PDE4DIP: variants seen among roughly 807,000 people sequenced by gnomAD.
PDE4DIP encodes phosphodiesterase 4D interacting protein.
In PDE4DIP, 59 loss-of-function variants were observed where a neutral mutation model predicts 221.4. That is an observed-to-expected ratio of 0.27 (90% CI 0.22 to 0.33). PDE4DIP has a LOEUF of 0.33. PDE4DIP is among the 10% of genes least tolerant of loss of function. PDE4DIP has a pLI of 1.00. For missense variants in PDE4DIP, 1,036 were observed against 2,154.2 expected, an observed-to-expected ratio of 0.48 and a Z score of 10.28; for synonymous variants, 404 against 815.9, an observed-to-expected ratio of 0.50 and a Z score of 8.60.
intron 5 of PDE4DIP, among the ~76,000 whole-genome samples, chr1:148,958,503 G>A (rs1473821702): frequency 9.9e-5 from 15 of 152,254 alleles, no homozygotes; most frequent in Non-Finnish European, 8.8e-5. Flanking sequence ...GTGCCTGCCT[G>A]CCTCTCCACC....
In PDE4DIP at chr1:148,992,465, A is replaced by C. The variant is rs1275911345; in HGVS notation, c.2904+492A>C. The C allele has an allele frequency of 3.0e-6, 4 of 1,332,656 alleles. No homozygotes were observed. In the Admixed American group the frequency reaches 1.3e-4, roughly 42 times the overall value. 82.6% of individuals were successfully genotyped at this position (1,332,656 alleles called of 1,614,324 possible). A position where few individuals can be genotyped will look rare whatever the true frequency, so the allele number is the denominator to read the frequency against. On this transcript the variant is annotated intron_variant, in intron 22 of 43. Coordinates refer to ENST00000369354, the Ensembl canonical transcript of PDE4DIP. ...CTCAGTGAAATCTCATTATACAAAG[A>C]GAACCTTATGCAACCTGACAAACCA... is the stretch of plus-strand genomic sequence containing the variant.
chr1:148,980,457 T>C (rs1279840914), intron 20 of PDE4DIP, among the ~76,000 whole-genome samples: 1 of 152,140 alleles, frequency 6.6e-6, no homozygotes, highest in Non-Finnish European at 1.5e-5. Flanking sequence ...TCAAAGAAAA[T>C]ATATTAATTG....
chr1:148,885,095 T>C (rs1432916116), upstream of PDE4DIP, among the ~76,000 whole-genome samples: 3 of 146,804 alleles, frequency 2.0e-5, no homozygotes, highest in Non-Finnish European at 4.5e-5. Flanking sequence ...GACACAGCAG[T>C]GAACAAACTA....
At chr1:148,859,633 A>G (rs1683154846) in intron 1 of PDE4DIP, among the ~76,000 whole-genome samples, 1 of 149,998 alleles carries the variant, frequency 6.7e-6, no homozygotes, top group Admixed American at 6.6e-5. Context: ...GAGAGCTAAA[A>G]GTGGCCTGGC....
chr1:149,023,046 ATTAT>A (rs2073610925), intron 37 of PDE4DIP, among the ~76,000 whole-genome samples: 1 of 152,284 alleles, frequency 6.6e-6, no homozygotes, highest in Admixed American at 6.5e-5. Flanking sequence ...TCAAGAGTAG[ATTAT>A]TTACCAAAGT....
intron 1 of PDE4DIP, among the ~76,000 whole-genome samples, chr1:148,830,455 C>T (rs1186576233): frequency 1.1e-5 from 1 of 91,582 alleles, no homozygotes; most frequent in African/African-American, 3.9e-5. Context: ...ACTTTAAGTT[C>T]TAGGGTACAT....
chr1:148,922,968 C>G (rs1274251841), intron 1 of PDE4DIP, among the ~76,000 whole-genome samples: 1 of 139,978 alleles, frequency 7.1e-6, no homozygotes, highest in Non-Finnish European at 1.5e-5. Context: ...GATGGAGTTT[C>G]GCTCTGTCAC....
At position 148,975,760 on chromosome 1, in the gene PDE4DIP, TG is replaced by T. The variant is rs1406062125; in HGVS notation, c.2319+1157del. Among the ~76,000 whole-genome samples, 10 of 152,080 alleles carry T rather than the reference TG, an allele frequency of 6.6e-5. 1 individual carries two copies. Among genetic ancestry groups the T allele is most frequent in the Non-Finnish European group, 2.9e-5 (2 of 68,038 alleles). On this transcript the variant is annotated intron_variant, in intron 17 of 43. Transcript: ENST00000369354. The stretch of plus-strand genomic sequence containing the variant: ...ACTAAAAGCTTGTTTGTTACTATGC[TG>T]GCATCTCTTTTAGAAGATCACTCAA...
chr1:148,937,687 A>T (rs2049523463), intron 4 of PDE4DIP, 60 bp from the exon 8 acceptor site: 4 of 795,666 alleles, frequency 5.0e-6, no homozygotes, highest in Non-Finnish European at 8.7e-6. Flanking sequence ...TGGGCTGAAA[A>T]AATAAGGTAA....
intron 9 of PDE4DIP, 126 bp from the exon 13 acceptor site, chr1:148,965,358 C>G: frequency 1.5e-6 from 1 of 655,142 alleles, no homozygotes; most frequent in East Asian, 2.6e-5. Context: ...ACTTCTATAG[C>G]AATTTTAATA....
At chr1:148,960,225 T>C (rs1229464564) in intron 5 of PDE4DIP, among the ~76,000 whole-genome samples, 15 of 152,278 alleles carry the variant, frequency 9.9e-5, no homozygotes, top group African/African-American at 3.6e-4. Context: ...GAAACAAGCA[T>C]GTTGTAAGAA....
At chr1:148,953,877 G>C in intron 5 of PDE4DIP, 2 of 1,611,792 alleles carry the variant, frequency 1.2e-6, no homozygotes. Flanking sequence ...GATGATCTCT[G>C]TGAAGATTAT....
At chr1:148,820,558 A>AAT (rs1668830338) in intron 1 of PDE4DIP, among the ~76,000 whole-genome samples, 1 of 117,612 alleles carries the variant, frequency 8.5e-6, no homozygotes, top group Non-Finnish European at 1.7e-5. Context: ...TCCATCTCAA[A>AAT]AAAAAAAAAA....
At position 148,912,153 on chromosome 1, in the gene PDE4DIP, C is replaced by T. The variant is rs2042892890; in HGVS notation, c.142-17044C>T. Among the ~76,000 whole-genome samples, 3 of 145,590 alleles carry T rather than the reference C, an allele frequency of 2.1e-5. No individual in the cohort carries two copies. The South Asian group carries it at 6.5e-4, about 32-fold the overall frequency. ...GGAAGCAAATAAACATGACAGTTACCAGTGCAGGAAGATTTGTTTCTAGGT... is the reference window on the plus strand; with the variant it reads ...GGAAGCAAATAAACATGACAGTTACTAGTGCAGGAAGATTTGTTTCTAGGT... On this transcript the variant is annotated intron_variant, in intron 1 of 43. Transcript: ENST00000369354.
At chr1:148,820,313 TC>T (rs1668731856) in intron 1 of PDE4DIP, among the ~76,000 whole-genome samples, 1 of 128,598 alleles carries the variant, frequency 7.8e-6, no homozygotes, top group African/African-American at 3.0e-5. Context: ...ACGCCTGTAA[TC>T]CCAGCACTTT....
chr1:148,953,840 G>A (rs1553498208), intron 5 of PDE4DIP: 1 of 1,591,280 alleles, frequency 6.3e-7, no homozygotes, highest in Non-Finnish European at 8.6e-7. Flanking sequence ...TTATCCCTTG[G>A]AGCTTTCAGA....
chr1:148,893,065 C>CTGTGTGTGTG lies in PDE4DIP; in HGVS notation c.141+3199_141+3208dup, dbSNP rs60364665. Among the ~76,000 whole-genome samples the CTGTGTGTGTG allele has an allele frequency of 1.1e-3, 86 of 77,646 alleles. 1 individual carries two copies. Among genetic ancestry groups the CTGTGTGTGTG allele is most frequent in the Admixed American group, 1.4e-3 (9 of 6,438 alleles). The allele number at this position is 77,646 out of a possible 152,430, so 50.9% of individuals were successfully genotyped here. On this transcript the variant is annotated intron_variant, in intron 1 of 43. Transcript: ENST00000369354. ...ATTATTTATATATATATGTGTGTGT[C>CTGTGTGTGTG]TGTGTGTGTGTGTGTGTGTGTGTGT...
chr1:148,832,615 A>C (rs2590090), intron 1 of PDE4DIP, among the ~76,000 whole-genome samples: 578 of 132,548 alleles, frequency 4.4e-3, no homozygotes, highest in Non-Finnish European at 5.4e-3. Context: ...CTCATCCATA[A>C]CTAATTTATT....
chr1:148,838,695 G>T, intron 1 of PDE4DIP, among the ~76,000 whole-genome samples: 3 of 118,436 alleles, frequency 2.5e-5, no homozygotes, highest in South Asian at 3.3e-4. Context: ...TTATAATAAT[G>T]TGGCTAAAAG....
Sources: gnomAD v4.1 joint callset for allele counts (sites outside exome capture counted in the v4.1 genomes callset) on GRCh38, gnomAD v4.1.1 for gene constraint, MANE v1.5 for transcripts, NCBI Gene and HGNC (gene_info 2026-07-23, HGNC 2026-07-21) for gene names.